Variants in MAGI3 observed in about 807,000 individuals in gnomAD.
MAGI3 encodes membrane associated guanylate kinase, WW and PDZ domain containing 3.
A neutral mutation model predicts 121.8 loss-of-function variants in MAGI3; 43 were observed. That is an observed-to-expected ratio of 0.35 (90% CI 0.28 to 0.46). The LOEUF is 0.46. Among genes scored for constraint, MAGI3 ranks in the 20% least tolerant of loss-of-function variants. The pLI is 1.00. For missense variants in MAGI3, 1,547 were observed against 1,797.3 expected (o/e 0.86, Z 2.52); for synonymous variants, 553 against 639.3 (o/e 0.86, Z 2.04).
At chr1:113,586,427 A>T (rs865949891) in intron 4 of MAGI3, among the ~76,000 whole-genome samples, 1 of 152,156 alleles carries the variant, frequency 6.6e-6, no homozygotes, top group South Asian at 2.1e-4. Context: ...TTTTTCATCA[A>T]TTATTAAAAT....
chr1:113,503,194 T>A (rs1657109384), intron 1 of MAGI3, among the ~76,000 whole-genome samples: 1 of 47,480 alleles, frequency 2.1e-5, no homozygotes, highest in Non-Finnish European at 3.3e-5. Flanking sequence ...AATGTGCACA[T>A]GTACCCTAAA....
At chr1:113,639,383 C>T (rs1162567414) in intron 9 of MAGI3, among the ~76,000 whole-genome samples, 1 of 152,110 alleles carries the variant, frequency 6.6e-6, no homozygotes, top group South Asian at 2.1e-4. Flanking sequence ...TCGGCTCCCA[C>T]CTGTTTAGTT....
At chr1:113,488,715 G>T (rs1321093444) in intron 1 of MAGI3, among the ~76,000 whole-genome samples, 1 of 152,174 alleles carries the variant, frequency 6.6e-6, no homozygotes, top group Non-Finnish European at 1.5e-5. Flanking sequence ...AACTGCCATT[G>T]CAGGCAGAGC....
chr1:113,530,019 C>T (rs1260743344), intron 1 of MAGI3, among the ~76,000 whole-genome samples: 1 of 151,982 alleles, frequency 6.6e-6, no homozygotes, highest in Admixed American at 6.6e-5. Context: ...TGCTATTTGA[C>T]CCACTAGTTT....
chr1:113,479,064 G>A (rs1321430760), intron 1 of MAGI3, among the ~76,000 whole-genome samples: 3 of 152,216 alleles, frequency 2.0e-5, no homozygotes, highest in Non-Finnish European at 4.4e-5. Flanking sequence ...GCCAGGCATG[G>A]GAGAGAATCA....
Position 113,671,728 on chromosome 1 carries a change from G to T in MAGI3, c.2816-6G>T. ...TCTTATTTCTATTGTTTTCTCATTT[G>T]AACAGAGCATCATGGTCCACCATCA... On this transcript the variant is annotated splice_polypyrimidine_tract_variant and splice_region_variant and intron_variant, in intron 16 of 20. Coordinates refer to ENST00000307546, the MANE Select transcript of MAGI3 (RefSeq NM_001142782.2). The T allele has an allele frequency of 1.2e-6, 2 of 1,613,684 alleles. No individual in the cohort carries two copies. Among genetic ancestry groups the T allele is most frequent in the South Asian group, 2.2e-5 (2 of 91,008 alleles).
In MAGI3 at chr1:113,646,568, T is replaced by C; in HGVS notation, c.2081T>C (p.Ile694Thr). The change falls in exon 12 of 21, where the codon ATT becomes ACT. Residue 694 changes from isoleucine to threonine, a missense_variant. Transcript: ENST00000307546. ...IPQPMPFPPS[I>T]IRSGSPKLDP... ...CAGCCTATGCCTTTTCCACCGAGCATTATCAGGTCAGGATCCCCAAAATTG... is the reference window on the plus strand; with the variant it reads ...CAGCCTATGCCTTTTCCACCGAGCACTATCAGGTCAGGATCCCCAAAATTG... 6.2e-7 allele frequency: 1 copy of C among 1,613,772 alleles called. No homozygotes were observed. Among genetic ancestry groups the C allele is most frequent in the Non-Finnish European group, 8.5e-7 (1 of 1,179,804 alleles).
intron 1 of MAGI3, among the ~76,000 whole-genome samples, chr1:113,423,568 GCTGAGT>G (rs1407044561): frequency 6.6e-6 from 1 of 152,162 alleles, no homozygotes; most frequent in Non-Finnish European, 1.5e-5. Flanking sequence ...ACTGGGCCCT[GCTGAGT>G]CTGGGGGTTT....
intron 1 of MAGI3, among the ~76,000 whole-genome samples, chr1:113,415,506 T>C (rs1652252885): frequency 6.6e-6 from 1 of 152,064 alleles, no homozygotes; most frequent in South Asian, 2.1e-4. Context: ...ATGGCTGTGA[T>C]CTTCCTTTGC....
At chr1:113,473,745 A>G (rs1258923027) in intron 1 of MAGI3, among the ~76,000 whole-genome samples, 5 of 152,170 alleles carry the variant, frequency 3.3e-5, no homozygotes, top group Admixed American at 2.0e-4. Context: ...ATGTGTCTTT[A>G]TAGCAGCATG....
At chr1:113,520,075 C>G (rs1658105390) in intron 1 of MAGI3, among the ~76,000 whole-genome samples, 1 of 152,108 alleles carries the variant, frequency 6.6e-6, no homozygotes, top group African/African-American at 2.4e-5. Context: ...TACATCCATG[C>G]CTGTTTGTGA....
intron 5 of MAGI3, among the ~76,000 whole-genome samples, chr1:113,593,564 A>G (rs531750919): frequency 6.6e-6 from 1 of 152,094 alleles, no homozygotes; most frequent in Non-Finnish European, 1.5e-5. Flanking sequence ...AATAATAATA[A>G]CAATAACTTT....
At chr1:113,479,590 T>G (rs1297748617) in intron 1 of MAGI3, among the ~76,000 whole-genome samples, 1 of 152,240 alleles carries the variant, frequency 6.6e-6, no homozygotes, top group African/African-American at 2.4e-5. Flanking sequence ...TCTTTATTAT[T>G]AATCTATTTC....
At chr1:113,514,340 G>A (rs891522459) in intron 1 of MAGI3, among the ~76,000 whole-genome samples, 1 of 152,170 alleles carries the variant, frequency 6.6e-6, no homozygotes, top group Admixed American at 6.5e-5. Context: ...GTTTATTGCA[G>A]CACTATTCAC....
At chr1:113,482,644 A>G (rs1472137017) in intron 1 of MAGI3, among the ~76,000 whole-genome samples, 2 of 82,760 alleles carry the variant, frequency 2.4e-5, no homozygotes, top group African/African-American at 4.6e-5. Context: ...ACCTCAACCT[A>G]CTTTTTTTTT....
intron 1 of MAGI3, among the ~76,000 whole-genome samples, chr1:113,473,080 C>A (rs1655622621): frequency 6.6e-6 from 1 of 152,100 alleles, no homozygotes; most frequent in Non-Finnish European, 1.5e-5. Flanking sequence ...AATTAGCATT[C>A]TTTCATTTTA....
chr1:113,653,329 GA>G (rs1188502264), intron 14 of MAGI3, among the ~76,000 whole-genome samples: 2 of 152,092 alleles, frequency 1.3e-5, no homozygotes, highest in African/African-American at 4.8e-5. Context: ...CAGAAACTTT[GA>G]AAAGCTTCCT....
chr1:113,566,432 G>T (rs1310525662), intron 2 of MAGI3, among the ~76,000 whole-genome samples: 1 of 152,062 alleles, frequency 6.6e-6, no homozygotes. Flanking sequence ...GGAAACAGAG[G>T]ACTTGAACAA....
At chr1:113,682,069 C>A in intron 20 of MAGI3, 1 of 696,258 alleles carries the variant, frequency 1.4e-6, no homozygotes, top group Non-Finnish European at 2.0e-6. Flanking sequence ...TCCTACAGTA[C>A]CCTTCCAGCT....
Sources: allele counts gnomAD v4.1 joint callset (sites outside exome capture counted in the v4.1 genomes callset), GRCh38; gene constraint gnomAD v4.1.1; transcripts MANE v1.5; gene names NCBI Gene and HGNC (gene_info 2026-07-23, HGNC 2026-07-21).